The following ARHGAP6 variants were observed in gnomAD, a reference collection of about 807,000 sequenced individuals.
ARHGAP6 encodes the protein Rho GTPase activating protein 6.
Under a neutral mutation model 55.7 loss-of-function variants are expected in ARHGAP6, and 16 were observed. The ratio of observed to expected loss-of-function variants is 0.29; its 90% CI spans 0.19 to 0.44. ARHGAP6 has a LOEUF of 0.44. Among genes scored for constraint, ARHGAP6 ranks in the 20% least tolerant of loss-of-function variants. The pLI, the probability that ARHGAP6 is intolerant of heterozygous loss-of-function variation, is 1.00. For synonymous variants in ARHGAP6, 382 were observed against 360.9 expected (o/e 1.06, Z -0.66); for missense variants, 698 against 808.9 (o/e 0.86, Z 1.66).
intron 1 of ARHGAP6, among the ~76,000 whole-genome samples, chrX:11,574,756 T>C (rs1399099748): frequency 9.4e-6 from 1 of 106,661 alleles, no homozygotes; most frequent in African/African-American, 3.4e-5. Context: ...AAATAAAGGG[T>C]ATTCAATTAG....
intron 1 of ARHGAP6, among the ~76,000 whole-genome samples, chrX:11,450,513 C>G (rs1459843744): frequency 3.6e-5 from 4 of 111,853 alleles, no homozygotes; most frequent in Non-Finnish European, 5.6e-5. Context: ...GAGCCCTTCA[C>G]TGCAGGGCTC....
intron 2 of ARHGAP6, among the ~76,000 whole-genome samples, chrX:11,197,630 A>G (rs2046558258): frequency 8.9e-6 from 1 of 112,390 alleles, no homozygotes; most frequent in South Asian, 3.7e-4. Flanking sequence ...TGGTATAGCT[A>G]TACTGCAATT....
chrX:11,649,145 A>G (rs1341921358), intron 1 of ARHGAP6, among the ~76,000 whole-genome samples: 1 of 111,928 alleles, frequency 8.9e-6, no homozygotes, highest in Non-Finnish European at 1.9e-5. Flanking sequence ...ACTCTGATCA[A>G]ATACCATTAG....
intron 1 of ARHGAP6, among the ~76,000 whole-genome samples, chrX:11,524,357 A>G (rs765794191): frequency 1.8e-5 from 2 of 111,707 alleles, no homozygotes; most frequent in South Asian, 7.5e-4. Context: ...GCTGGCTGAA[A>G]TGGAGGGAGC....
At position 11,195,352 on chromosome X, in the gene ARHGAP6, G is replaced by GA. The variant is rs777313336; in HGVS notation, c.820+1572dup. On this transcript the variant is annotated intron_variant, in intron 3 of 12. Coordinates refer to ENST00000337414, the MANE Select transcript of ARHGAP6 (RefSeq NM_013427.3). ...GGGCGACAGGGCAAGACCCTGTCTTGAAAAAAAAAAAAGGCACAAAAAATT... is the reference window on the plus strand; with the variant it reads ...GGGCGACAGGGCAAGACCCTGTCTTGAAAAAAAAAAAAAGGCACAAAAAATT... Among the ~76,000 whole-genome samples the GA allele has an allele frequency of 1.7e-3, 164 of 99,001 alleles. 2 individuals are homozygous for GA. Among genetic ancestry groups the GA allele is most frequent in the African/African-American group, 4.8e-3 (132 of 27,554 alleles). 86.0% of individuals were successfully genotyped at this position (99,001 alleles called of 115,157 possible).
intron 1 of ARHGAP6, among the ~76,000 whole-genome samples, chrX:11,354,782 C>G (rs973643775): frequency 9.0e-6 from 1 of 111,200 alleles, no homozygotes; most frequent in Admixed American, 9.6e-5. Context: ...ACAAAGTAGG[C>G]AAATCTACCA....
At position 11,624,058 on chromosome X, in the gene ARHGAP6, C is replaced by T. The variant is rs141888763; in HGVS notation, c.588+40183G>A. ...GACCAATGGAACAAAATAGAGAGCCCTGAAATAAATCCACACTTTATAGCC... is the reference window on the plus strand; with the variant it reads ...GACCAATGGAACAAAATAGAGAGCCTTGAAATAAATCCACACTTTATAGCC... On this transcript the variant is annotated intron_variant, in intron 1 of 12. Transcript: ENST00000337414. Among the ~76,000 whole-genome samples the T allele has an allele frequency of 9.9e-3, 1,108 of 111,428 alleles. 15 individuals carry two copies. Among genetic ancestry groups the T allele is most frequent in the Middle Eastern group, 0.055 (12 of 217 alleles).
At chrX:11,151,651 C>G (rs752951824) in intron 10 of ARHGAP6, among the ~76,000 whole-genome samples, 1 of 112,072 alleles carries the variant, frequency 8.9e-6, no homozygotes, top group South Asian at 3.7e-4. Context: ...AGTGAAAAAC[C>G]CAAATCAAAA....
At chrX:11,465,474 A>G (rs2050283758) in intron 1 of ARHGAP6, among the ~76,000 whole-genome samples, 1 of 112,593 alleles carries the variant, frequency 8.9e-6, no homozygotes, top group Non-Finnish European at 1.9e-5. Flanking sequence ...CTTTTTAACT[A>G]TATATTTCAT....
chrX:11,406,234 CAT>C (rs2049607045), intron 1 of ARHGAP6, among the ~76,000 whole-genome samples: 1 of 110,609 alleles, frequency 9.0e-6, no homozygotes. Flanking sequence ...TCGCATAAGT[CAT>C]CAAGGAAAAT....
intron 1 of ARHGAP6, among the ~76,000 whole-genome samples, chrX:11,598,675 G>A (rs1229173474): frequency 1.4e-4 from 16 of 112,655 alleles, no homozygotes; most frequent in Admixed American, 1.3e-3. Context: ...TGCAAAGGAC[G>A]TGACTTCATA....
At chrX:11,171,549 C>G (rs2046091919) in intron 8 of ARHGAP6, among the ~76,000 whole-genome samples, 1 of 112,183 alleles carries the variant, frequency 8.9e-6, no homozygotes, top group Non-Finnish European at 1.9e-5. Flanking sequence ...AAAAAATATC[C>G]TTGAAAAGAT....
intron 1 of ARHGAP6, among the ~76,000 whole-genome samples, chrX:11,528,936 A>C (rs1043963081): frequency 8.9e-6 from 1 of 111,886 alleles, no homozygotes; most frequent in African/African-American, 3.3e-5. Context: ...AATAAAAGAA[A>C]ATGGATGTCA....
chrX:11,477,248 TATG>T (rs2050413181), intron 1 of ARHGAP6, among the ~76,000 whole-genome samples: 1 of 110,838 alleles, frequency 9.0e-6, no homozygotes, highest in African/African-American at 3.3e-5. Flanking sequence ...GCACATAAGA[TATG>T]ATATTTATCA....
chrX:11,189,111 A>G, intron 3 of ARHGAP6, 127 bp from the exon 4 acceptor site: 1 of 826,545 alleles, frequency 1.2e-6, no homozygotes, highest in Middle Eastern at 3.1e-4. Flanking sequence ...TTGACTCATC[A>G]ATCAAAAAGG....
At chrX:11,484,596 A>G (rs1337726955) in intron 1 of ARHGAP6, among the ~76,000 whole-genome samples, 1 of 110,471 alleles carries the variant, frequency 9.1e-6, no homozygotes, top group Non-Finnish European at 1.9e-5. Flanking sequence ...AAAGGAAAAG[A>G]AAGAAGAGGA....
intron 2 of ARHGAP6, among the ~76,000 whole-genome samples, chrX:11,251,266 G>A (rs1284835181): frequency 9.0e-6 from 1 of 111,252 alleles, no homozygotes; most frequent in Admixed American, 9.6e-5. Flanking sequence ...AAAATCCCAC[G>A]TGCCCTCCCA....
chrX:11,389,395 A>G (rs1011581919), intron 1 of ARHGAP6, among the ~76,000 whole-genome samples: 6 of 112,587 alleles, frequency 5.3e-5, no homozygotes, highest in Non-Finnish European at 7.5e-5. Flanking sequence ...TCTTACAGAA[A>G]ATCAAAGCAC....
At chrX:11,491,895 T>C (rs2050574457) in intron 1 of ARHGAP6, among the ~76,000 whole-genome samples, 1 of 107,964 alleles carries the variant, frequency 9.3e-6, no homozygotes, top group Non-Finnish European at 1.9e-5. Flanking sequence ...GATTTTTTAA[T>C]GATTGCCATT....
Sources: gnomAD v4.1 joint callset for allele counts (sites outside exome capture counted in the v4.1 genomes callset) on GRCh38, gnomAD v4.1.1 for gene constraint, MANE v1.5 for transcripts, NCBI Gene and HGNC (gene_info 2026-07-23, HGNC 2026-07-21) for gene names.